The following PWP1 variants were observed in gnomAD, a reference collection of about 807,000 sequenced individuals.
The protein encoded by PWP1 is periodic tryptophan protein 1 homolog.
PWP1 carries 47 observed loss-of-function variants against 69.9 expected under a neutral mutation model. The observed-to-expected ratio is 0.67, with a 90% CI of 0.53 to 0.86. The LOEUF (loss-of-function observed/expected upper bound fraction) is 0.86. Ranked by LOEUF, PWP1 falls within the 40% of genes least tolerant of loss-of-function variation. The pLI is 0.00. For missense variants in PWP1, 551 were observed against 608.8 expected (o/e 0.91, Z 1.00); for synonymous variants, 222 against 208.2 (o/e 1.07, Z -0.57).
chr12:107,712,291 G>C lies in PWP1; in HGVS notation c.*71G>C. The C allele has an allele frequency of 8.6e-7, 1 of 1,164,910 alleles. No individual in the cohort carries two copies. The highest frequency in any genetic ancestry group is 1.2e-5 in the South Asian group (1 of 80,374). The allele number at this position is 1,164,910 out of a possible 1,614,324, so 72.2% of individuals were successfully genotyped here. ...AAGTTGGCCTAAAAATGTTCCATGCGTGGCAGCAACCATGCAGAGTGACTG... is the reference window on the plus strand; with the variant it reads ...AAGTTGGCCTAAAAATGTTCCATGCCTGGCAGCAACCATGCAGAGTGACTG... On this transcript the variant is annotated 3_prime_UTR_variant, in exon 15 of 15. Coordinates refer to ENST00000412830, the MANE Select transcript of PWP1 (RefSeq NM_007062.3).
intron 5 of PWP1, 32 bp from the exon 6 acceptor site, chr12:107,696,442 T>C (rs1391222481): frequency 2.2e-5 from 36 of 1,604,552 alleles, no homozygotes; most frequent in Non-Finnish European, 2.9e-5. Flanking sequence ...CTCATTCTGA[T>C]ACATTAAAGT....
chr12:107,697,817 A>T (rs1385749936), intron 7 of PWP1: 2 of 583,590 alleles, frequency 3.4e-6, no homozygotes, highest in Non-Finnish European at 6.4e-6. Flanking sequence ...TCTTTCTTAC[A>T]CAAAACTAGT....
At chr12:107,709,570 AG>A (rs1889902223) in intron 13 of PWP1, among the ~76,000 whole-genome samples, 2 of 150,682 alleles carry the variant, frequency 1.3e-5, no homozygotes, top group Non-Finnish European at 2.9e-5. Context: ...CTTGAACCTC[AG>A]GGCACCGTAG....
At position 107,697,552 on chromosome 12, in the gene PWP1, A is replaced by C; in HGVS notation, c.699A>C (p.Thr233=). ...DIVDSLEPVF[T]LGSKLSKKKK... ...TGGACTCTTTAGAGCCAGTCTTCAC[A>C]CTCGGAAGTAAACTTTCAAAAAAGA... The change falls in exon 7 of 15, where the codon ACA becomes ACC. Residue 233 remains threonine, a synonymous_variant. Coordinates refer to ENST00000412830, the MANE Select transcript of PWP1 (RefSeq NM_007062.3). 5 of 1,608,762 alleles carry C rather than the reference A, an allele frequency of 3.1e-6. No homozygotes were observed. The highest frequency in any genetic ancestry group is 4.2e-6 in the Non-Finnish European group (5 of 1,178,256).
chr12:107,704,846 A>G, intron 11 of PWP1, 99 bp downstream of exon 11: 1 of 1,021,738 alleles, frequency 9.8e-7, no homozygotes, highest in South Asian at 1.5e-5. Flanking sequence ...TTCTGTTTTA[A>G]CAGTATGAAG....
At chr12:107,692,003 T>A (rs1889489959) in intron 3 of PWP1, among the ~76,000 whole-genome samples, 1 of 152,190 alleles carries the variant, frequency 6.6e-6, no homozygotes, top group African/African-American at 2.4e-5. Context: ...CAGAGGATAG[T>A]TTTTTCTATT....
chr12:107,699,469 A>G, intron 8 of PWP1, 35 bp downstream of exon 8: 1 of 1,549,064 alleles, frequency 6.5e-7, no homozygotes. Context: ...ATTGTAAAAG[A>G]CTGTAGCCAT....
chr12:107,687,902 G>A lies in PWP1; in HGVS notation c.73-546G>A, dbSNP rs370072718. ...AAAAATTAGCTGGGCGTGGTGGCGC[G>A]TGCCTGTAATCCCAGCTGCTCAAGA... On this transcript the variant is annotated intron_variant, in intron 1 of 14. Transcript: ENST00000412830. Among the ~76,000 whole-genome samples, 62 of 151,752 alleles carry A rather than the reference G, an allele frequency of 4.1e-4. No individual in the cohort carries two copies. In the East Asian group the frequency reaches 4.8e-3, roughly 12 times the overall value.
Position 107,712,210 on chromosome 12 carries a change from T to C in PWP1, c.1496T>C (p.Met499Thr), listed in dbSNP as rs1381068197. The C allele has an allele frequency of 3.7e-6, 6 of 1,611,882 alleles. No individual in the cohort carries two copies. Among genetic ancestry groups the C allele is most frequent in the Non-Finnish European group, 5.1e-6 (6 of 1,178,044 alleles). The change falls in exon 15 of 15, where the codon ATG becomes ACG. Residue 499 changes from methionine (M) to threonine (T), a missense_variant. Coordinates refer to ENST00000412830, the MANE Select transcript of PWP1 (RefSeq NM_007062.3). ...GGCAGCAGGAGCTCAGATACACCCA[T>C]GGAGTCTTAATGAAGATCATCTAAT... ...PFGSRSSDTP[M>T]ES
intron 11 of PWP1, 138 bp downstream of exon 11, chr12:107,704,885 G>T (rs1889785377): frequency 1.6e-6 from 1 of 612,728 alleles, no homozygotes; most frequent in South Asian, 2.7e-5. Flanking sequence ...AAAGCATAAG[G>T]TGTTTTTTTT....
chr12:107,705,887 G>A lies in PWP1; in HGVS notation c.1077+1140G>A, dbSNP rs1219093713. Among the ~76,000 whole-genome samples the A allele has an allele frequency of 2.6e-5, 4 of 152,134 alleles. No homozygotes were observed. The East Asian group carries it at 7.7e-4, about 29-fold the overall frequency. The stretch of plus-strand genomic sequence containing the variant: ...TGTGCATGTGTCTTTATAGCAGCAT[G>A]ATTTATAATCCTTTGGGTATATACC... On this transcript the variant is annotated intron_variant, in intron 11 of 14. Coordinates refer to ENST00000412830, the MANE Select transcript of PWP1 (RefSeq NM_007062.3).
At chr12:107,688,851 G>A in intron 3 of PWP1, 49 bp downstream of exon 3, 3 of 1,544,144 alleles carry the variant, frequency 1.9e-6, no homozygotes, top group Non-Finnish European at 2.7e-6. Flanking sequence ...TCAATATGTT[G>A]GATCATGTTT....
At chr12:107,711,224 G>A (rs912482531) in intron 14 of PWP1, among the ~76,000 whole-genome samples, 5 of 152,168 alleles carry the variant, frequency 3.3e-5, no homozygotes, top group Admixed American at 6.5e-5. Flanking sequence ...GATCGAGATC[G>A]CTCATGCTAT....
At chr12:107,706,021 TA>T (rs560811665) in intron 11 of PWP1, among the ~76,000 whole-genome samples, 5 of 152,358 alleles carry the variant, frequency 3.3e-5, no homozygotes, top group African/African-American at 1.2e-4. Flanking sequence ...ACCAACAGTG[TA>T]AAACTGTTCC....
chr12:107,693,890 T>G (rs886736015), intron 5 of PWP1, among the ~76,000 whole-genome samples: 1 of 152,210 alleles, frequency 6.6e-6, no homozygotes, highest in Non-Finnish European at 1.5e-5. Flanking sequence ...ATTTCAGATA[T>G]TTCCCCTTTG....
At chr12:107,687,298 C>T (rs1027682537) in intron 1 of PWP1, among the ~76,000 whole-genome samples, 4 of 152,124 alleles carry the variant, frequency 2.6e-5, no homozygotes, top group African/African-American at 2.4e-5. Context: ...AAAATTATTT[C>T]ATATAAAAAT....
rs1889759814 is a variant in PWP1 at position 107,703,746 on chromosome 12, A to G, written c.965A>G (p.Lys322Arg). ...ACTCTGATTTCTGGCTCATATGATA[A>G]GTAAGAAAGCACAGCAAGAATGATT... Reference protein sequence around the residue: ...AQTLISGSYDKSVALYDCRSP... With the variant: ...AQTLISGSYDRSVALYDCRSP... The change falls in exon 10 of 15, where the codon AAG becomes AGG. Residue 322 changes from lysine to arginine, a missense_variant and splice_region_variant. Coordinates refer to ENST00000412830, the MANE Select transcript of PWP1 (RefSeq NM_007062.3). 1 of 1,592,604 alleles carries G rather than the reference A, an allele frequency of 6.3e-7. No homozygotes were observed. The highest frequency in any genetic ancestry group is 8.6e-7 in the Non-Finnish European group (1 of 1,160,498).
At chr12:107,703,237 G>T (rs978254431) in intron 9 of PWP1, among the ~76,000 whole-genome samples, 6 of 152,108 alleles carry the variant, frequency 3.9e-5, no homozygotes, top group Non-Finnish European at 7.4e-5. Flanking sequence ...GGTACAGAAA[G>T]GTACGGTTAC....
chr12:107,691,805 C>T (rs542516663), intron 3 of PWP1, among the ~76,000 whole-genome samples: 27 of 152,214 alleles, frequency 1.8e-4, no homozygotes, highest in Admixed American at 9.8e-4. Flanking sequence ...TTTCCTCATT[C>T]GCTTGGCCAT....
Sources: gnomAD v4.1 joint callset for allele counts (sites outside exome capture counted in the v4.1 genomes callset) on GRCh38, gnomAD v4.1.1 for gene constraint, MANE v1.5 for transcripts, NCBI Gene and HGNC (gene_info 2026-07-23, HGNC 2026-07-21) for gene names.